VPS13C: variants seen among roughly 807,000 people sequenced by gnomAD.
VPS13C encodes the protein intermembrane lipid transfer protein VPS13C.
In VPS13C, 358 loss-of-function variants were observed where a neutral mutation model predicts 456.8. The ratio of observed to expected loss-of-function variants is 0.78; its 90% CI spans 0.72 to 0.86. The LOEUF (loss-of-function observed/expected upper bound fraction) is 0.86, where lower values mean the gene tolerates loss of function less well. Ranked by LOEUF, VPS13C falls within the 40% of genes least tolerant of loss-of-function variation. The probability of loss-of-function intolerance (pLI) is 0.00; values close to 1 mark genes in which losing one functional copy is unlikely to be tolerated. For missense variants in VPS13C, 4,818 were observed against 4,385.4 expected, an observed-to-expected ratio of 1.10 and a Z score of -2.79; for synonymous variants, 1,578 against 1,486.7, an observed-to-expected ratio of 1.06 and a Z score of -1.41.
At chr15:62,058,540 T>A in intron 1 of VPS13C, among the ~76,000 whole-genome samples, 1 of 152,216 alleles carries the variant, frequency 6.6e-6, no homozygotes, top group Non-Finnish European at 1.5e-5. Context: ...TAGCACTTAC[T>A]TATTGGGTAT....
chr15:62,041,234 T>TG (rs1322927257), intron 3 of VPS13C, 90 bp downstream of exon 3: 1 of 1,399,304 alleles, frequency 7.1e-7, no homozygotes, highest in African/African-American at 1.5e-5. Flanking sequence ...TCTCACACTT[T>TG]TAATCAAAGA....
At chr15:62,037,631 G>C (rs1477682393) in intron 3 of VPS13C, among the ~76,000 whole-genome samples, 2 of 148,364 alleles carry the variant, frequency 1.3e-5, no homozygotes, top group East Asian at 3.9e-4. Context: ...TGAAGACAAA[G>C]ATATCACCTT....
rs770618110 is a variant in VPS13C, at chr15:61,951,989, C to T, written c.4300-9G>A. ...ATCAAAGTAACCACAACCTAAAAAA[C>T]GGTACCAGTATTACCACCAACTATT... On this transcript the variant is annotated splice_polypyrimidine_tract_variant and intron_variant, in intron 38 of 84. Coordinates refer to ENST00000644861, the MANE Select transcript of VPS13C (RefSeq NM_020821.3). 36 of 1,610,986 alleles carry T rather than the reference C, an allele frequency of 2.2e-5. No homozygotes were observed. Among genetic ancestry groups the T allele is most frequent in the South Asian group, 3.3e-5 (3 of 90,492 alleles).
At chr15:61,981,729 G>A (rs1420973185) in intron 21 of VPS13C, among the ~76,000 whole-genome samples, 1 of 152,140 alleles carries the variant, frequency 6.6e-6, no homozygotes. Context: ...CAGGCGTGGT[G>A]GCGGGCGCCT....
intron 2 of VPS13C, among the ~76,000 whole-genome samples, chr15:62,041,626 T>C (rs767118686): frequency 8.5e-5 from 13 of 152,214 alleles, no homozygotes; most frequent in Non-Finnish European, 1.5e-4. Flanking sequence ...GAGACCAGCC[T>C]GGTCAACATG....
intron 36 of VPS13C, among the ~76,000 whole-genome samples, chr15:61,959,153 T>C (rs572142292): frequency 1.3e-5 from 2 of 152,240 alleles, no homozygotes; most frequent in Admixed American, 6.5e-5. Context: ...GCTACTTAGA[T>C]ATCCCTAAAA....
chr15:62,005,664 C>G (rs1215513326), intron 15 of VPS13C, among the ~76,000 whole-genome samples: 1 of 149,308 alleles, frequency 6.7e-6, no homozygotes, highest in African/African-American at 2.5e-5. Context: ...ACCGGTTGTT[C>G]CTTTCCATGT....
chr15:62,002,956 T>C (rs1409095704), intron 15 of VPS13C, among the ~76,000 whole-genome samples: 3 of 152,228 alleles, frequency 2.0e-5, no homozygotes, highest in African/African-American at 7.2e-5. Flanking sequence ...GGTAGTGTGA[T>C]GCCTCCAGCT....
At chr15:62,057,050 GTCTTT>G (rs761695013) in intron 1 of VPS13C, among the ~76,000 whole-genome samples, 18 of 152,240 alleles carry the variant, frequency 1.2e-4, no homozygotes, top group Non-Finnish European at 2.5e-4. Context: ...GGGCCCAGCT[GTCTTT>G]TCTTTTATCT....
intron 66 of VPS13C, among the ~76,000 whole-genome samples, chr15:61,899,950 G>A (rs970994133): frequency 6.6e-6 from 1 of 152,058 alleles, no homozygotes; most frequent in Admixed American, 6.6e-5. Context: ...ATGCAAGGCT[G>A]GTTAAATATA....
intron 1 of VPS13C, among the ~76,000 whole-genome samples, chr15:62,048,965 G>C (rs2048525109): frequency 6.6e-6 from 1 of 150,610 alleles, no homozygotes; most frequent in South Asian, 2.1e-4. Context: ...TTTTTTTCTT[G>C]TAAATTTGTT....
rs918352637 is a variant in VPS13C at position 62,035,188 on chromosome 15, C to T, written c.188-136G>A. The T allele has an allele frequency of 2.0e-5, 9 of 457,402 alleles. No homozygotes were observed. The Admixed American group carries it at 3.3e-4, about 17-fold the overall frequency. The allele number at this position is 457,402 out of a possible 1,614,324, so 28.3% of individuals were successfully genotyped here. ...ATCACTCAGAAAAAATGAAAAAAAT[C>T]CAACACTAAAGTTTACAAAGGTCTT... On this transcript the variant is annotated intron_variant, in intron 3 of 84. Transcript: ENST00000644861.
intron 27 of VPS13C, among the ~76,000 whole-genome samples, chr15:61,970,623 G>A (rs779801199): frequency 1.3e-5 from 2 of 151,904 alleles, no homozygotes; most frequent in Admixed American, 6.6e-5. Context: ...TAGTAAAACC[G>A]AATCTCCACA....
intron 39 of VPS13C, 30 bp from the exon 40 acceptor site, chr15:61,951,054 A>G (rs761306288): frequency 5.6e-6 from 8 of 1,433,708 alleles, no homozygotes; most frequent in African/African-American, 2.9e-5. Context: ...AAGTTGATCC[A>G]TCAATTAAAC....
intron 53 of VPS13C, among the ~76,000 whole-genome samples, chr15:61,924,033 T>C (rs1279609009): frequency 6.6e-6 from 1 of 150,664 alleles, no homozygotes; most frequent in Non-Finnish European, 1.5e-5. Context: ...GCCCGGCTAA[T>C]TTTTTGTATT....
At chr15:61,894,514 G>A (rs71411468) in intron 66 of VPS13C, among the ~76,000 whole-genome samples, 8,917 of 151,906 alleles carry the variant, frequency 0.059, 316 homozygotes, top group Non-Finnish European at 0.08. Context: ...CATACATAGG[G>A]TGAACGTGAA....
At chr15:61,970,159 G>A (rs546629879) in intron 27 of VPS13C, among the ~76,000 whole-genome samples, 1 of 152,108 alleles carries the variant, frequency 6.6e-6, no homozygotes, top group South Asian at 2.1e-4. Context: ...GCCATAAGTA[G>A]GTGTTTCAGT....
At chr15:62,008,277 G>A (rs1034682167) in intron 14 of VPS13C, among the ~76,000 whole-genome samples, 11 of 151,880 alleles carry the variant, frequency 7.2e-5, no homozygotes, top group East Asian at 1.9e-4. Context: ...TGCACACCCC[G>A]TACCCCCAGC....
rs2046207691 is a variant in VPS13C at position 61,991,021 on chromosome 15, G to A, written c.1557C>T (p.His519=). The A allele has an allele frequency of 6.2e-7, 1 of 1,612,632 alleles. No individual in the cohort carries two copies. Among genetic ancestry groups the A allele is most frequent in the Non-Finnish European group, 8.5e-7 (1 of 1,179,308 alleles). ...TTACCTGCTTAGGTAAAGTTAGGTT[G>A]TGGGTACTCTCACTATAACCAATGG... ...FTAIGYSEST[H]NLTLPKQYVA... The change falls in exon 18 of 85, where the codon CAC becomes CAT. Residue 519 remains histidine (H), a synonymous_variant. Coordinates refer to ENST00000644861, the MANE Select transcript of VPS13C (RefSeq NM_020821.3).
Sources: allele counts gnomAD v4.1 joint callset (sites outside exome capture counted in the v4.1 genomes callset), GRCh38; gene constraint gnomAD v4.1.1; transcripts MANE v1.5; gene names NCBI Gene and HGNC (gene_info 2026-07-23, HGNC 2026-07-21).